SIDT1: variants seen among roughly 807,000 people sequenced by gnomAD.
SIDT1 encodes SID1 transmembrane family, member 1.
Under a neutral mutation model 107.5 loss-of-function variants are expected in SIDT1, and 101 were observed. That is an observed-to-expected ratio of 0.94 (90% CI 0.80 to 1.11). The LOEUF (loss-of-function observed/expected upper bound fraction) is 1.11, where lower values mean the gene tolerates loss of function less well. Among genes scored for constraint, SIDT1 ranks in the 50% least tolerant of loss-of-function variants. The pLI, the probability that SIDT1 is intolerant of heterozygous loss-of-function variation, is 0.00. For missense variants in SIDT1, 1,076 were observed against 1,058.2 expected (o/e 1.02, Z -0.23); for synonymous variants, 395 against 398.2 (o/e 0.99, Z 0.10).
downstream of SIDT1, among the ~76,000 whole-genome samples, chr3:113,631,665 C>T (rs1947096219): frequency 6.6e-6 from 1 of 152,190 alleles, no homozygotes; most frequent in African/African-American, 2.4e-5. Context: ...GGAAGAATCA[C>T]AGATCAGCCT....
At position 113,608,211 on chromosome 3, in the gene SIDT1, T is replaced by G; in HGVS notation, c.1596T>G (p.Phe532Leu). Residue 532 changes from phenylalanine (F) to leucine (L), a missense_variant, in exon 16 of 25, where the codon TTT becomes TTG. By Grantham distance (22) the Phe-to-Leu change is conservative. Coordinates refer to ENST00000264852, the MANE Select transcript of SIDT1 (RefSeq NM_017699.3). ...HRRALEAKDI[F>L]AVEYGIPKHF... ...GAGCCCTGGAAGCCAAGGACATCTT[T>G]GCTGTGGTGAGGAAAGAGTGGGTAG... The G allele has an allele frequency of 6.3e-7, 1 of 1,593,178 alleles. No individual in the cohort carries two copies. The highest frequency in any genetic ancestry group is 1.1e-5 in the South Asian group (1 of 87,538).
chr3:113,543,491 T>C (rs1326582675), intron 1 of SIDT1, among the ~76,000 whole-genome samples: 1 of 152,120 alleles, frequency 6.6e-6, no homozygotes, highest in African/African-American at 2.4e-5. Context: ...GCCACTACTA[T>C]GGAGGTGCTG....
the SIDT1 span, among the ~76,000 whole-genome samples, chr3:113,636,913 A>G: frequency 2.0e-5 from 3 of 152,230 alleles, no homozygotes; most frequent in Non-Finnish European, 4.4e-5. Flanking sequence ...TTAAAACCTC[A>G]TTTGTCCTTA....
intron 9 of SIDT1, among the ~76,000 whole-genome samples, chr3:113,585,615 A>G (rs1576857533): frequency 2.0e-5 from 3 of 152,234 alleles, no homozygotes; most frequent in Non-Finnish European, 4.4e-5. Context: ...CTCACTGTAG[A>G]TGGTCAGTTT....
At position 113,626,125 on chromosome 3, in the gene SIDT1, G is replaced by A. The variant is rs767609858; in HGVS notation, c.2331G>A (p.Glu777=). The change falls in exon 24 of 25, where the codon GAG becomes GAA. Residue 777 remains glutamate, a synonymous_variant. Transcript: ENST00000264852. ...SWEGTPAESR[E]KNRECILLDF... ...AGGGAACTCCGGCCGAATCCCGGGA[G>A]AAGAACCGCGAGTGCATTCTGCTGG... 2 of 1,613,956 alleles carry A rather than the reference G, an allele frequency of 1.2e-6. No homozygotes were observed. The highest frequency in any genetic ancestry group is 1.3e-5 in the African/African-American group (1 of 74,890).
At chr3:113,558,613 C>T (rs1035857560) in intron 1 of SIDT1, among the ~76,000 whole-genome samples, 4 of 152,192 alleles carry the variant, frequency 2.6e-5, no homozygotes, top group African/African-American at 7.2e-5. Flanking sequence ...TCCTGTAGTG[C>T]AACACCCTGC....
chr3:113,542,902 TTGTGTGTGTGTGTGTGTG>T (rs71625216), intron 1 of SIDT1, among the ~76,000 whole-genome samples: 3 of 145,144 alleles, frequency 2.1e-5, no homozygotes, highest in Non-Finnish European at 3.0e-5. Flanking sequence ...TTTTGCTTGG[TTGTGTGTGTGTGTGTGTG>T]TGTGTGTGTG....
At chr3:113,611,187 C>T (rs760223782) in intron 18 of SIDT1, 43 bp downstream of exon 18, 2 of 1,596,064 alleles carry the variant, frequency 1.3e-6, no homozygotes, top group Non-Finnish European at 1.7e-6. Flanking sequence ...GAAAAGTGCC[C>T]CCCTAGGTCC....
chr3:113,624,357 A>G (rs748048229), intron 23 of SIDT1, among the ~76,000 whole-genome samples: 2 of 152,220 alleles, frequency 1.3e-5, no homozygotes, highest in African/African-American at 2.4e-5. Flanking sequence ...GGAATCACAC[A>G]ATACACGGCC....
intron 3 of SIDT1, among the ~76,000 whole-genome samples, chr3:113,576,667 T>C (rs535682940): frequency 1.3e-5 from 2 of 152,306 alleles, no homozygotes; most frequent in African/African-American, 4.8e-5. Flanking sequence ...TATATAGATA[T>C]GGCTTCATGG....
At chr3:113,608,057 T>C (rs895855048) in intron 15 of SIDT1, 37 bp from the exon 16 acceptor site, 2 of 1,523,052 alleles carry the variant, frequency 1.3e-6, no homozygotes, top group Admixed American at 2.2e-5. Flanking sequence ...CCTTTGATGG[T>C]CTTGACTCTC....
At chr3:113,611,527 T>G (rs573250560) in intron 18 of SIDT1, among the ~76,000 whole-genome samples, 7 of 152,312 alleles carry the variant, frequency 4.6e-5, no homozygotes, top group Non-Finnish European at 8.8e-5. Flanking sequence ...TTCACCATGT[T>G]GGCCAGACTG....
At position 113,584,709 on chromosome 3, in the gene SIDT1, C is replaced by T; in HGVS notation, c.847C>T (p.Gln283Ter). 1 of 1,596,476 alleles carries T rather than the reference C, an allele frequency of 6.3e-7. No homozygotes were observed. ...TTTTTTTAAACCAGAAAAGGAAAAC[C>T]AGACCTGGAATCTACAGCGAAAAAA... ...GSFFIQEKEN[Q>*]TWNLQRKKNL... Residue 283 changes from glutamine (Q) to a stop codon, truncating the protein, a stop_gained, in exon 8 of 25, where the codon CAG becomes TAG. Coordinates refer to ENST00000264852, the MANE Select transcript of SIDT1 (RefSeq NM_017699.3). LOFTEE classifies it high-confidence loss of function.
At chr3:113,614,926 A>T in intron 19 of SIDT1, 2 of 819,708 alleles carry the variant, frequency 2.4e-6, no homozygotes, top group Non-Finnish European at 3.9e-6. Flanking sequence ...AGTAAGCATT[A>T]CTTTTATAAT....
chr3:113,578,087 C>T (rs1169684363), intron 4 of SIDT1, among the ~76,000 whole-genome samples: 4 of 152,254 alleles, frequency 2.6e-5, no homozygotes, highest in Admixed American at 6.5e-5. Flanking sequence ...CCTTAATATA[C>T]TGCCCTCAAT....
chr3:113,626,569 A>G (rs1420259601), intron 24 of SIDT1, among the ~76,000 whole-genome samples: 1 of 152,108 alleles, frequency 6.6e-6, no homozygotes, highest in Non-Finnish European at 1.5e-5. Flanking sequence ...TTCTTATGCC[A>G]TACTCACATT....
At chr3:113,538,942 C>T (rs1432807360) in intron 1 of SIDT1, among the ~76,000 whole-genome samples, 1 of 152,088 alleles carries the variant, frequency 6.6e-6, no homozygotes, top group African/African-American at 2.4e-5. Flanking sequence ...TGGTAGCCAC[C>T]ATTGATCATC....
At chr3:113,596,368 T>C (rs561689160) in intron 10 of SIDT1, among the ~76,000 whole-genome samples, 9 of 152,364 alleles carry the variant, frequency 5.9e-5, no homozygotes, top group African/African-American at 2.2e-4. Flanking sequence ...TTCTTTGATA[T>C]GCCTGAAGTG....
chr3:113,594,259 A>G (rs781215146), intron 10 of SIDT1, among the ~76,000 whole-genome samples: 40 of 152,142 alleles, frequency 2.6e-4, no homozygotes, highest in Admixed American at 5.2e-4. Context: ...ACTTTGTTTT[A>G]TAAACATTCA....
Sources: gnomAD v4.1 joint callset for allele counts (sites outside exome capture counted in the v4.1 genomes callset) on GRCh38, gnomAD v4.1.1 for gene constraint, MANE v1.5 for transcripts, NCBI Gene and HGNC (gene_info 2026-07-23, HGNC 2026-07-21) for gene names.